The following PTK7 variants were observed in gnomAD, a reference collection of about 807,000 sequenced individuals.
PTK7 encodes protein tyrosine kinase 7 (inactive), also known as inactive tyrosine-protein kinase 7.
A neutral mutation model predicts 116.6 loss-of-function variants in PTK7; 39 were observed. That is an observed-to-expected ratio of 0.33 (90% CI 0.26 to 0.44). The LOEUF (loss-of-function observed/expected upper bound fraction) is 0.44, where lower values mean the gene tolerates loss of function less well. PTK7 is among the 20% of genes least tolerant of loss of function. PTK7 has a pLI of 1.00. For synonymous variants in PTK7, 546 were observed against 563.6 expected (o/e 0.97, Z 0.44); for missense variants, 1,169 against 1,425.6 (o/e 0.82, Z 2.90).
Position 43,118,651 on chromosome 6 carries a change from CTCTCTCTCTA to C in PTK7, c.80-10324_80-10315del, listed in dbSNP as rs1358377015. ...TCTCTCTCTCTCTCTCTCTCTCTCT[CTCTCTCTCTA>C]TATATATATATATATATATATATAT... On this transcript the variant is annotated intron_variant, in intron 1 of 19. Coordinates refer to ENST00000230419, the MANE Select transcript of PTK7 (RefSeq NM_002821.5). Among the ~76,000 whole-genome samples, 803 of 82,488 alleles carry C rather than the reference CTCTCTCTCTA, an allele frequency of 9.7e-3. 1 individual carries two copies. The highest frequency in any genetic ancestry group is 0.026 in the African/African-American group (414 of 16,090). The allele number at this position is 82,488 out of a possible 152,430, so 54.1% of individuals were successfully genotyped here.
chr6:43,088,735 A>G (rs1043242435), intron 1 of PTK7, among the ~76,000 whole-genome samples: 1 of 152,036 alleles, frequency 6.6e-6, no homozygotes, highest in African/African-American at 2.4e-5. Flanking sequence ...ATAAATAAAG[A>G]GTTATGGTGA....
chr6:43,102,446 G>A (rs751420520), intron 1 of PTK7, among the ~76,000 whole-genome samples: 16 of 151,632 alleles, frequency 1.1e-4, no homozygotes, highest in Non-Finnish European at 1.9e-4. Flanking sequence ...AAAATTAGCC[G>A]GTTGTGTTGG....
At chr6:43,115,821 G>A (rs1001879638) in intron 1 of PTK7, among the ~76,000 whole-genome samples, 1 of 151,550 alleles carries the variant, frequency 6.6e-6, no homozygotes, top group Non-Finnish European at 1.5e-5. Flanking sequence ...TCAGCTACTC[G>A]GGAGGCTGAG....
intron 1 of PTK7, among the ~76,000 whole-genome samples, chr6:43,091,673 A>G (rs543306866): frequency 1.3e-5 from 2 of 152,312 alleles, no homozygotes; most frequent in East Asian, 3.9e-4. Context: ...TCAGCTACCC[A>G]TGGTCAAAAA....
intron 1 of PTK7, among the ~76,000 whole-genome samples, chr6:43,101,225 A>AAAAAGAAAGAAAGAAAG (rs530253569): frequency 2.9e-4 from 43 of 146,352 alleles, no homozygotes; most frequent in South Asian, 2.6e-3. Flanking sequence ...CAAAAAAAAA[A>AAAAAGAAAGAAAGAAAG]AAAGAAAGAA....
At chr6:43,149,870 CTT>C in intron 17 of PTK7, among the ~76,000 whole-genome samples, 1 of 152,120 alleles carries the variant, frequency 6.6e-6, no homozygotes. Context: ...TGGTCTTGAA[CTT>C]AAGTATTCTA....
Position 43,143,743 on chromosome 6 carries a change from G to C in PTK7, c.2251+123G>C. 2 of 1,062,322 alleles carry C rather than the reference G, an allele frequency of 1.9e-6. No individual in the cohort carries two copies. The highest frequency in any genetic ancestry group is 2.7e-6 in the Non-Finnish European group (2 of 753,044). The allele number at this position is 1,062,322 out of a possible 1,614,324, so 65.8% of individuals were successfully genotyped here. ...CGGCTGTTGCTGGGTCCTGGAGCTG[G>C]GACTGCCCCACCCCTAGCGGGAAGC... On this transcript the variant is annotated intron_variant, in intron 14 of 19. Coordinates refer to ENST00000230419, the MANE Select transcript of PTK7 (RefSeq NM_002821.5). This position sits in a 1 kb window ranked among gnomAD's most constrained non-coding sequence, Gnocchi z 4.2.
Position 43,146,600 on chromosome 6 carries a change from GC to G in PTK7, c.2641-16del. On this transcript the variant is annotated splice_polypyrimidine_tract_variant and intron_variant, in intron 16 of 19. Coordinates refer to ENST00000230419, the MANE Select transcript of PTK7 (RefSeq NM_002821.5). ...GGCTGTGCACTGACCTGAGCGAGATGCCTGGCTTTTCCCTTAGGGAGACCTC... is the reference window on the plus strand; with the variant it reads ...GGCTGTGCACTGACCTGAGCGAGATGCTGGCTTTTCCCTTAGGGAGACCTC... The G allele has an allele frequency of 6.2e-6, 10 of 1,610,842 alleles. No homozygotes were observed. Among genetic ancestry groups the G allele is most frequent in the Non-Finnish European group, 8.5e-6 (10 of 1,177,708 alleles).
chr6:43,148,228 G>A (rs990636015), intron 17 of PTK7, among the ~76,000 whole-genome samples: 1 of 150,652 alleles, frequency 6.6e-6, no homozygotes, highest in Admixed American at 6.6e-5. Flanking sequence ...ACTCCAGCCT[G>A]GGCAACAGAG....
chr6:43,131,854 G>A, intron 5 of PTK7, 162 bp from the exon 6 acceptor site: 1 of 911,320 alleles, frequency 1.1e-6, no homozygotes, highest in Non-Finnish European at 1.7e-6. Flanking sequence ...AGTGTATGCA[G>A]GCACACACAC....
chr6:43,157,568 AAAAG>A (rs1019172022), intron 17 of PTK7, among the ~76,000 whole-genome samples: 2 of 150,826 alleles, frequency 1.3e-5, no homozygotes, highest in African/African-American at 4.9e-5. Flanking sequence ...AGTAAAATGA[AAAAG>A]AAACAACCCA....
chr6:43,126,862 C>T (rs1769319854), intron 1 of PTK7, among the ~76,000 whole-genome samples: 1 of 152,206 alleles, frequency 6.6e-6, no homozygotes, highest in African/African-American at 2.4e-5. Context: ...TGGAATAGCT[C>T]ACCCAGAGAA....
In PTK7 at chr6:43,132,413, C is replaced by T. The variant is rs1769741038; in HGVS notation, c.962-8C>T. 6.4e-7 allele frequency: 1 copy of T among 1,563,032 alleles called. No individual in the cohort carries two copies. The highest frequency in any genetic ancestry group is 8.7e-7 in the Non-Finnish European group (1 of 1,149,316). ...ATTGGGCCATTCCTCCTACTTATGT[C>T]CTTGCAGAGATTGAAGACATGCCGC... On this transcript the variant is annotated splice_polypyrimidine_tract_variant and splice_region_variant and intron_variant, in intron 6 of 19. Coordinates refer to ENST00000230419, the MANE Select transcript of PTK7 (RefSeq NM_002821.5).
At chr6:43,124,845 G>T (rs185633290) in intron 1 of PTK7, among the ~76,000 whole-genome samples, 1 of 152,196 alleles carries the variant, frequency 6.6e-6, no homozygotes, top group Non-Finnish European at 1.5e-5. Context: ...GGGGCTGGGG[G>T]CTTGGAGCAG....
intron 1 of PTK7, among the ~76,000 whole-genome samples, chr6:43,119,537 G>A (rs771774037): frequency 5.9e-5 from 9 of 151,968 alleles, no homozygotes; most frequent in Non-Finnish European, 5.9e-5. Flanking sequence ...AAGCACTTTG[G>A]GTCCGAACCC....
Position 43,139,150 on chromosome 6 carries a change from G to T in PTK7, c.1377G>T (p.Glu459Asp), listed in dbSNP as rs1175821213. The T allele has an allele frequency of 6.2e-7, 1 of 1,614,104 alleles. No individual in the cohort carries two copies. Among genetic ancestry groups the T allele is most frequent in the African/African-American group, 1.3e-5 (1 of 74,938 alleles). The change falls in exon 9 of 20, where the codon GAG becomes GAT. Residue 459 changes from glutamate to aspartate, a missense_variant. Glu to Asp is a conservative substitution (Grantham distance 45). Transcript: ENST00000230419. This position sits in a 1 kb window ranked among gnomAD's most constrained non-coding sequence, Gnocchi z 4.6. ...CTGTGCTGCAGGACTCACGGTTCGA[G>T]GTCTTCAAGAATGGGACCTTGCGCA... ...QMLISEDSRF[E>D]VFKNGTLRIN...
chr6:43,093,066 T>C (rs1582073124), intron 1 of PTK7, among the ~76,000 whole-genome samples: 1 of 151,850 alleles, frequency 6.6e-6, no homozygotes, highest in South Asian at 2.1e-4. Flanking sequence ...GGGGGCGGGG[T>C]GACTTTAAGT....
rs1769489019 is a variant in PTK7, at chr6:43,129,141, G to A, written c.244G>A (p.Gly82Ser). The change falls in exon 2 of 20, where the codon GGC (glycine) becomes AGC (serine). Residue 82 changes from glycine (G) to serine (S), a missense_variant. This residue lies in a region of PTK7 where 487 missense variants were observed against 549.8 expected (regional missense o/e 0.89). Coordinates refer to ENST00000230419, the MANE Select transcript of PTK7 (RefSeq NM_002821.5). This position sits in a 1 kb window ranked among gnomAD's most constrained non-coding sequence, Gnocchi z 4.5. ...VQDTERRFAQ[G>S]SSLSFAAVDR... ...GGACACGGAGCGGCGTTTCGCCCAGGGCAGCAGCCTGAGCTTTGCAGCTGT... is the reference window on the plus strand; with the variant it reads ...GGACACGGAGCGGCGTTTCGCCCAGAGCAGCAGCCTGAGCTTTGCAGCTGT... The A allele has an allele frequency of 6.2e-7, 1 of 1,614,096 alleles. No homozygotes were observed. The highest frequency in any genetic ancestry group is 8.5e-7 in the Non-Finnish European group (1 of 1,180,054).
chr6:43,150,424 C>T (rs1220979132), intron 17 of PTK7, among the ~76,000 whole-genome samples: 1 of 152,120 alleles, frequency 6.6e-6, no homozygotes, highest in South Asian at 2.1e-4. Flanking sequence ...AACAGAATTC[C>T]CTTTTACTGC....
Sources: allele counts gnomAD v4.1 joint callset (sites outside exome capture counted in the v4.1 genomes callset), GRCh38; gene constraint gnomAD v4.1.1; regional missense constraint gnomAD v4.1.1; non-coding constraint Gnocchi (gnomAD v3.1); transcripts MANE v1.5; gene names NCBI Gene and HGNC (gene_info 2026-07-23, HGNC 2026-07-21).